The following RALY variants were observed in gnomAD, a reference collection of about 807,000 sequenced individuals.
The protein encoded by RALY is RALY heterogeneous nuclear ribonucleoprotein.
Under a neutral mutation model 30.7 loss-of-function variants are expected in RALY, and 15 were observed. That is an observed-to-expected ratio of 0.49 (90% confidence interval 0.33 to 0.75). The LOEUF (loss-of-function observed/expected upper bound fraction) is 0.75, where lower values mean the gene tolerates loss of function less well. RALY is among the 30% of genes least tolerant of loss of function. The pLI, the probability that RALY is intolerant of heterozygous loss-of-function variation, is 0.02. For synonymous variants in RALY, 177 were observed against 170.8 expected (o/e 1.04, Z -0.28); for missense variants, 339 against 414.3 (o/e 0.82, Z 1.58).
At position 34,077,062 on chromosome 20, in the gene RALY, CGGCGGCGGCGGT is replaced by C; in HGVS notation, c.696_707del (p.Gly235_Gly238del). 6.4e-7 allele frequency: 1 copy of C among 1,568,684 alleles called. No individual in the cohort carries two copies. The highest frequency in any genetic ancestry group is 8.7e-7 in the Non-Finnish European group (1 of 1,143,070). On this transcript the variant is annotated inframe_deletion, in exon 8 of 10. Coordinates refer to ENST00000246194, the MANE Select transcript of RALY (RefSeq NM_016732.3). The stretch of plus-strand genomic sequence containing the variant: ...AGAAGGGTGATGGAGGTGGCGCCGG[CGGCGGCGGCGGT>C]GGTGGTGGCAGCGGTGGCGGTGGCA...
chr20:34,082,672 C>A lies in RALY; in HGVS notation c.*2767C>A, dbSNP rs2034048682. 1 of 152,338 alleles carries A rather than the reference C, an allele frequency of 6.6e-6. No individual in the cohort carries two copies. Among genetic ancestry groups the A allele is most frequent in the African/African-American group, 2.4e-5 (1 of 41,448 alleles). The allele number at this position is 152,338 out of a possible 1,614,324, so 9.4% of individuals were successfully genotyped here. ...GTCCCATCCTGGAACTCCAGAAAAG[C>A]CCCTGGATGCTCCAGCCCCTGGGAA... is the stretch of plus-strand genomic sequence containing the variant. On this transcript the variant is annotated 3_prime_UTR_variant, in exon 10 of 10. Coordinates refer to ENST00000246194, the MANE Select transcript of RALY (RefSeq NM_016732.3).
At chr20:34,036,919 G>A (rs1297986104) in intron 2 of RALY, among the ~76,000 whole-genome samples, 1 of 151,424 alleles carries the variant, frequency 6.6e-6, no homozygotes, top group Admixed American at 6.6e-5. Context: ...CTTTTCCATT[G>A]ATTTTTTATT....
At chr20:34,079,183 G>A (rs2033976866) in intron 9 of RALY, among the ~76,000 whole-genome samples, 1 of 152,222 alleles carries the variant, frequency 6.6e-6, no homozygotes, top group Non-Finnish European at 1.5e-5. Context: ...TGTGACAGGA[G>A]CTGCACCTGC....
At chr20:34,002,056 C>T (rs1489045086) in intron 1 of RALY, among the ~76,000 whole-genome samples, 3 of 152,138 alleles carry the variant, frequency 2.0e-5, no homozygotes, top group East Asian at 1.9e-4. Context: ...CGTGAGCAGC[C>T]GCGCCTGACC....
chr20:33,997,455 TC>T (rs2030694857), intron 1 of RALY, among the ~76,000 whole-genome samples: 1 of 152,040 alleles, frequency 6.6e-6, no homozygotes, highest in South Asian at 2.1e-4. Flanking sequence ...CTCCCCACCC[TC>T]ACCTTGTTTG....
intron 2 of RALY, among the ~76,000 whole-genome samples, chr20:34,062,316 ACAT>A (rs2033440715): frequency 6.6e-6 from 1 of 152,168 alleles, no homozygotes; most frequent in African/African-American, 2.4e-5. Context: ...CCCTTCCTCA[ACAT>A]CATATTTTCT....
intron 2 of RALY, among the ~76,000 whole-genome samples, chr20:34,041,443 C>T (rs2032695789): frequency 6.6e-6 from 1 of 152,226 alleles, no homozygotes; most frequent in Non-Finnish European, 1.5e-5. Context: ...GAGTCCAAAT[C>T]TTTAGTCTTG....
At chr20:34,000,752 T>C (rs2030876479) in intron 1 of RALY, among the ~76,000 whole-genome samples, 1 of 152,230 alleles carries the variant, frequency 6.6e-6, no homozygotes, top group Non-Finnish European at 1.5e-5. Flanking sequence ...GGGAGTGCTC[T>C]ACTAACTAAA....
intron 1 of RALY, among the ~76,000 whole-genome samples, chr20:34,005,198 C>G (rs1233765390): frequency 6.6e-6 from 1 of 152,038 alleles, no homozygotes; most frequent in African/African-American, 2.4e-5. Flanking sequence ...CTCGAGGAGA[C>G]TAGTCGAGTA....
At chr20:34,032,651 A>G (rs2032330207) in intron 2 of RALY, among the ~76,000 whole-genome samples, 1 of 152,074 alleles carries the variant, frequency 6.6e-6, no homozygotes, top group Non-Finnish European at 1.5e-5. Context: ...GTGTACCACC[A>G]CAGCCTGCTC....
intron 9 of RALY, among the ~76,000 whole-genome samples, chr20:34,079,702 A>G (rs1019656066): frequency 7.2e-5 from 11 of 152,160 alleles, no homozygotes; most frequent in African/African-American, 1.7e-4. Flanking sequence ...GGTGAGTTAT[A>G]TGGGCTCAGG....
intron 1 of RALY, among the ~76,000 whole-genome samples, chr20:34,025,833 C>T (rs1288461559): frequency 6.6e-6 from 1 of 150,862 alleles, no homozygotes; most frequent in Non-Finnish European, 1.5e-5. Context: ...CCAGGCTTCC[C>T]ATAATTTTCA....
At chr20:34,077,470 C>T in intron 8 of RALY, 1 of 903,074 alleles carries the variant, frequency 1.1e-6, no homozygotes, top group Non-Finnish European at 1.6e-6. Flanking sequence ...AGACCTCCCC[C>T]AAATGCGGGC....
chr20:34,023,233 G>A (rs2031896643), intron 1 of RALY, among the ~76,000 whole-genome samples: 1 of 152,236 alleles, frequency 6.6e-6, no homozygotes. Context: ...TTTTACAAAT[G>A]TGAGGACTTA....
At chr20:34,074,408 A>G (rs1479834728) in intron 5 of RALY, among the ~76,000 whole-genome samples, 4 of 152,180 alleles carry the variant, frequency 2.6e-5, no homozygotes, top group Non-Finnish European at 2.9e-5. Flanking sequence ...CAACAGCACT[A>G]GCCACATTCT....
Position 34,080,397 on chromosome 20 carries a change from G to T in RALY, c.*492G>T, listed in dbSNP as rs1241517805. 1 of 152,292 alleles carries T rather than the reference G, an allele frequency of 6.6e-6. No individual in the cohort carries two copies. The highest frequency in any genetic ancestry group is 1.5e-5 in the Non-Finnish European group (1 of 68,166). 9.4% of individuals were successfully genotyped at this position (152,292 alleles called of 1,614,324 possible). Reference sequence around the variant, plus strand: ...TCCTCAGTGGTGATTAAAATGGCCAGTGGGGCCACTGGGGAGGGTTGGATA... The same window carrying T: ...TCCTCAGTGGTGATTAAAATGGCCATTGGGGCCACTGGGGAGGGTTGGATA... On this transcript the variant is annotated 3_prime_UTR_variant, in exon 10 of 10. Transcript: ENST00000246194.
At chr20:34,055,754 A>G (rs191804395) in intron 2 of RALY, among the ~76,000 whole-genome samples, 78 of 152,344 alleles carry the variant, frequency 5.1e-4, no homozygotes, top group African/African-American at 1.9e-3. Context: ...GATTGTTAAA[A>G]TAATAAACTT....
intron 1 of RALY, among the ~76,000 whole-genome samples, chr20:34,010,169 G>A (rs1276331762): frequency 6.6e-6 from 1 of 152,154 alleles, no homozygotes; most frequent in Non-Finnish European, 1.5e-5. Context: ...AAGTGAGTCT[G>A]ATGTGTCATG....
chr20:34,036,598 A>G (rs2032505530), intron 2 of RALY, among the ~76,000 whole-genome samples: 1 of 152,186 alleles, frequency 6.6e-6, no homozygotes, highest in African/African-American at 2.4e-5. Context: ...GAGTTTGTAA[A>G]GGATTGGTAT....
Sources: gnomAD v4.1 joint callset for allele counts (sites outside exome capture counted in the v4.1 genomes callset) on GRCh38, gnomAD v4.1.1 for gene constraint, MANE v1.5 for transcripts, NCBI Gene and HGNC (gene_info 2026-07-23, HGNC 2026-07-21) for gene names.